C1QTNF2: variants seen among roughly 807,000 people sequenced by gnomAD.
C1QTNF2 encodes the protein C1q and TNF related 2, also known as complement C1q tumor necrosis factor-related protein 2.
Under a neutral mutation model 17.4 loss-of-function variants are expected in C1QTNF2, and 15 were observed. The observed-to-expected ratio is 0.86, with a 90% CI of 0.58 to 1.33. The LOEUF (loss-of-function observed/expected upper bound fraction) is 1.33, where lower values mean the gene tolerates loss of function less well. C1QTNF2 is among the 40% of genes most tolerant of loss of function. The pLI is 0.00. For missense variants in C1QTNF2, 381 were observed against 392.3 expected (o/e 0.97, Z 0.24); for synonymous variants, 154 against 163.3 (o/e 0.94, Z 0.44).
chr5:160,350,194 C>T (rs187617733), intron 2 of C1QTNF2, among the ~76,000 whole-genome samples: 4 of 152,042 alleles, frequency 2.6e-5, no homozygotes, highest in Admixed American at 6.6e-5. Flanking sequence ...GCCCTGCCCA[C>T]GTGTACAAGG....
chr5:160,357,178 G>A (rs1764066890), intron 1 of C1QTNF2, among the ~76,000 whole-genome samples: 1 of 152,012 alleles, frequency 6.6e-6, no homozygotes, highest in Admixed American at 6.6e-5. Flanking sequence ...AGCTGACAAG[G>A]GGAGCAGATG....
intron 1 of C1QTNF2, among the ~76,000 whole-genome samples, chr5:160,362,275 C>T (rs6865859): frequency 6.6e-6 from 1 of 152,168 alleles, no homozygotes; most frequent in Non-Finnish European, 1.5e-5. Flanking sequence ...TACGCTGATT[C>T]ATGTACTCAA....
chr5:160,355,050 G>A (rs1284631736), intron 1 of C1QTNF2, 30 bp from the exon 2 acceptor site: 1 of 1,504,582 alleles, frequency 6.6e-7, no homozygotes, highest in Non-Finnish European at 8.9e-7. Flanking sequence ...TGTGACAGGT[G>A]AGTGTGGCCA....
chr5:160,360,734 A>G (rs368852585), intron 1 of C1QTNF2, among the ~76,000 whole-genome samples: 3 of 152,184 alleles, frequency 2.0e-5, no homozygotes, highest in East Asian at 1.9e-4. Context: ...CTAAAGGGAT[A>G]AAAAATATTA....
At chr5:160,368,838 C>A (rs535058905) in intron 1 of C1QTNF2, among the ~76,000 whole-genome samples, 1 of 152,256 alleles carries the variant, frequency 6.6e-6, no homozygotes, top group South Asian at 2.1e-4. Context: ...AAAAGTGACA[C>A]CTTGGAGAAC....
At chr5:160,370,404 C>G in intron 1 of C1QTNF2, 108 bp downstream of exon 1, 1 of 1,325,724 alleles carries the variant, frequency 7.5e-7, no homozygotes, top group South Asian at 1.8e-5. Flanking sequence ...GCGCTGGCAG[C>G]TCTCCCACCT....
intron 1 of C1QTNF2, among the ~76,000 whole-genome samples, chr5:160,363,202 G>A (rs1764185481): frequency 1.3e-5 from 2 of 152,152 alleles, no homozygotes; most frequent in African/African-American, 2.4e-5. Flanking sequence ...AACACTCCAC[G>A]CCCTCCCTGA....
chr5:160,357,454 A>T (rs143374217), intron 1 of C1QTNF2, among the ~76,000 whole-genome samples: 4 of 152,332 alleles, frequency 2.6e-5, no homozygotes, highest in Non-Finnish European at 4.4e-5. Flanking sequence ...GAAATGTTAC[A>T]TGAATGACAG....
At chr5:160,358,881 A>C (rs1253274177) in intron 1 of C1QTNF2, among the ~76,000 whole-genome samples, 1 of 151,988 alleles carries the variant, frequency 6.6e-6, no homozygotes, top group African/African-American at 2.4e-5. Context: ...CTCGGACTCA[A>C]GTGTTTCTCC....
chr5:160,349,348 G>A lies in C1QTNF2; in HGVS notation c.678C>T (p.Asn226=), dbSNP rs1352123252. 1.2e-6 allele frequency: 2 copies of A among 1,614,156 alleles called. No homozygotes were observed. The highest frequency in any genetic ancestry group is 1.7e-6 in the Non-Finnish European group (2 of 1,180,022). The change falls in exon 3 of 3, where the codon AAC becomes AAT. Residue 226 remains asparagine, a synonymous_variant. Coordinates refer to ENST00000652664, the MANE Select transcript of C1QTNF2 (RefSeq NM_031908.6). The surrounding 1 kb of genome is among the most constrained non-coding windows in gnomAD (Gnocchi z 4.3). ...CTGAGGCCACATCGTGGTTGCCGGT[G>A]TTGGCATCAAAGGTCCGGATGCGGT... The part of the protein sequence containing the change: ...GQYRIRTFDA[N]TGNHDVASGS...
chr5:160,363,231 G>A (rs2113530574), intron 1 of C1QTNF2, among the ~76,000 whole-genome samples: 1 of 152,312 alleles, frequency 6.6e-6, no homozygotes, highest in Middle Eastern at 3.4e-3. Context: ...AAGTAAATTG[G>A]AAACAGTCCT....
rs778660931 is a variant in C1QTNF2, at chr5:160,354,798, C to T, written c.214G>A (p.Asp72Asn). The part of the protein sequence containing the change: ...FPGKDGQDGH[D>N]GDRGDSGEEG... ...TCTCCGCTGTCCCCCCGGTCGCCGT[C>T]GTGTCCATCTTGGCCGTCTTTGCCA... Residue 72 changes from aspartate (D) to asparagine (N), a missense_variant, in exon 2 of 3, where the codon GAC becomes AAC. Transcript: ENST00000652664. The T allele has an allele frequency of 1.2e-5, 19 of 1,613,592 alleles. No individual in the cohort carries two copies. Among genetic ancestry groups the T allele is most frequent in the East Asian group, 2.2e-5 (1 of 44,874 alleles).
At chr5:160,366,764 C>T (rs1411049959) in intron 1 of C1QTNF2, among the ~76,000 whole-genome samples, 1 of 152,062 alleles carries the variant, frequency 6.6e-6, no homozygotes. Flanking sequence ...CGGCTCACAC[C>T]TATAATCCCA....
intron 1 of C1QTNF2, among the ~76,000 whole-genome samples, chr5:160,366,631 A>C (rs1182621881): frequency 6.6e-6 from 1 of 152,268 alleles, no homozygotes; most frequent in Non-Finnish European, 1.5e-5. Flanking sequence ...GCATAAATGC[A>C]AAGAGGTACA....
At chr5:160,358,271 A>G (rs901528904) in intron 1 of C1QTNF2, among the ~76,000 whole-genome samples, 1 of 152,146 alleles carries the variant, frequency 6.6e-6, no homozygotes, top group African/African-American at 2.4e-5. Flanking sequence ...GAGGGAGAGG[A>G]GAGTCTCCTT....
At chr5:160,354,593 AAAAAGTATATAT>A (rs1177084165) in intron 2 of C1QTNF2, among the ~76,000 whole-genome samples, 163 bp downstream of exon 2, 5 of 30,560 alleles carry the variant, frequency 1.6e-4, no homozygotes, top group African/African-American at 4.8e-4. Flanking sequence ...GGAAAAAAAA[AAAAAGTATATAT>A]ATATATATAT....
At chr5:160,365,945 CT>C (rs1030256584) in intron 1 of C1QTNF2, among the ~76,000 whole-genome samples, 330 of 128,788 alleles carry the variant, frequency 2.6e-3, no homozygotes, top group African/African-American at 6.0e-3. Flanking sequence ...AGCAGGTGAG[CT>C]TTTTTAAAAA....
chr5:160,349,754 C>T lies in C1QTNF2; in HGVS notation c.272G>A (p.Gly91Glu). ...GGCTTTGCCCTTTGGTCCTGGCTTT[C>T]CCCGGTTACCTGTCCGGCCAGGTGG... ...EGPPGRTGNR[G>E]KPGPKGKAGA... is the part of the protein sequence containing the mutation. Residue 91 changes from glycine (G) to glutamate (E), a missense_variant, in exon 3 of 3, where the codon GGA (glycine) becomes GAA (glutamate). Coordinates refer to ENST00000652664, the MANE Select transcript of C1QTNF2 (RefSeq NM_031908.6). This position sits in a 1 kb window ranked among gnomAD's most constrained non-coding sequence, Gnocchi z 4.3. 1 of 1,531,506 alleles carries T rather than the reference C, an allele frequency of 6.5e-7. No homozygotes were observed. The highest frequency in any genetic ancestry group is 8.7e-7 in the Non-Finnish European group (1 of 1,149,202). 94.9% of individuals were successfully genotyped at this position (1,531,506 alleles called of 1,614,324 possible).
rs753997699 is a variant in C1QTNF2, at chr5:160,349,736, C to G, written c.290G>C (p.Gly97Ala). The change falls in exon 3 of 3, where the codon GGC (glycine) becomes GCC (alanine). Residue 97 changes from glycine (G) to alanine (A), a missense_variant. Transcript: ENST00000652664. The surrounding 1 kb of genome is among the most constrained non-coding windows in gnomAD (Gnocchi z 4.3). ...TGNRGKPGPKGKAGAIGRAGP... is the reference protein window; with the variant it reads ...TGNRGKPGPKAKAGAIGRAGP... The stretch of plus-strand genomic sequence containing the variant: ...AGCCCGCCCAATGGCCCCGGCTTTG[C>G]CCTTTGGTCCTGGCTTTCCCCGGTT... The G allele has an allele frequency of 7.1e-6, 11 of 1,549,356 alleles. No individual in the cohort carries two copies. In the East Asian group the frequency reaches 2.5e-4, roughly 35 times the overall value.
Sources: gnomAD v4.1 joint callset for allele counts (sites outside exome capture counted in the v4.1 genomes callset) on GRCh38, gnomAD v4.1.1 for gene constraint, Gnocchi (gnomAD v3.1) non-coding constraint, MANE v1.5 for transcripts, NCBI Gene and HGNC (gene_info 2026-07-23, HGNC 2026-07-21) for gene names.